HPSE2: variants seen among roughly 807,000 people sequenced by gnomAD.
HPSE2 encodes the protein inactive heparanase-2.
In HPSE2, 38 loss-of-function variants were observed where a neutral mutation model predicts 60.5. The observed-to-expected ratio is 0.63, with a 90% CI of 0.48 to 0.82. The LOEUF (loss-of-function observed/expected upper bound fraction) is 0.82. Among genes scored for constraint, HPSE2 ranks in the 40% least tolerant of loss-of-function variants. The pLI is 0.00. For synonymous variants in HPSE2, 295 were observed against 293.2 expected, an observed-to-expected ratio of 1.01 and a Z score of -0.06; for missense variants, 713 against 740.4, an observed-to-expected ratio of 0.96 and a Z score of 0.43.
At chr10:98,532,951 C>T (rs1943176032) in intron 9 of HPSE2, among the ~76,000 whole-genome samples, 1 of 152,164 alleles carries the variant, frequency 6.6e-6, no homozygotes, top group African/African-American at 2.4e-5. Context: ...GAGCCTATTT[C>T]CATTTTAACA....
intron 3 of HPSE2, among the ~76,000 whole-genome samples, chr10:98,771,354 C>A (rs1950236815): frequency 6.6e-6 from 1 of 152,088 alleles, no homozygotes; most frequent in Admixed American, 6.6e-5. Flanking sequence ...GATTTCAGCT[C>A]CAAATATTGG....
At chr10:99,068,171 C>T (rs1186912071) in intron 3 of HPSE2, among the ~76,000 whole-genome samples, 1 of 152,108 alleles carries the variant, frequency 6.6e-6, no homozygotes, top group Admixed American at 6.5e-5. Context: ...CAAACTTGCC[C>T]GCATCTTCCT....
chr10:98,671,078 A>G (rs1947495098), intron 6 of HPSE2, among the ~76,000 whole-genome samples: 1 of 152,238 alleles, frequency 6.6e-6, no homozygotes, highest in Non-Finnish European at 1.5e-5. Context: ...TTTTTGAATT[A>G]GGGATACTCA....
chr10:98,888,936 A>T (rs1384224435), intron 3 of HPSE2, among the ~76,000 whole-genome samples: 1 of 152,096 alleles, frequency 6.6e-6, no homozygotes, highest in Non-Finnish European at 1.5e-5. Context: ...CATCCCTATA[A>T]TTCTGGCATT....
intron 3 of HPSE2, among the ~76,000 whole-genome samples, chr10:99,109,565 T>C (rs1844379484): frequency 6.6e-6 from 1 of 152,044 alleles, no homozygotes; most frequent in African/African-American, 2.4e-5. Context: ...TCTTGTGCTA[T>C]ATGGGGTTGT....
chr10:99,039,930 T>C (rs921366296), intron 3 of HPSE2, among the ~76,000 whole-genome samples: 3 of 152,212 alleles, frequency 2.0e-5, no homozygotes, highest in Admixed American at 2.0e-4. Flanking sequence ...CCCTTAATTA[T>C]TCTTTGAAAG....
chr10:98,780,487 ATCAATAAAACATCTTTTAAGGACAAT>A (rs2134450345), intron 3 of HPSE2, among the ~76,000 whole-genome samples: 1 of 152,306 alleles, frequency 6.6e-6, no homozygotes, highest in African/African-American at 2.4e-5. Flanking sequence ...AGTTTGTTAT[ATCAATAAAACATCTTTTAAGGACAAT>A]TAAAAATCAA....
chr10:99,302,754 T>C, the HPSE2 span, among the ~76,000 whole-genome samples: 1 of 151,834 alleles, frequency 6.6e-6, no homozygotes, highest in African/African-American at 2.4e-5. Context: ...AAAGAAACTA[T>C]TCCAGACTGT....
chr10:99,062,762 A>G (rs753091356), intron 3 of HPSE2, among the ~76,000 whole-genome samples: 6 of 152,188 alleles, frequency 3.9e-5, no homozygotes, highest in Non-Finnish European at 8.8e-5. Flanking sequence ...GGCAGAGGAG[A>G]GGTGAGGAAG....
At chr10:98,750,211 C>T (rs1198497479) in intron 3 of HPSE2, among the ~76,000 whole-genome samples, 1 of 151,942 alleles carries the variant, frequency 6.6e-6, no homozygotes, top group Non-Finnish European at 1.5e-5. Context: ...ACAGTAAGGG[C>T]AAAGGCCCAA....
At chr10:99,010,147 T>C (rs1431293083) in intron 3 of HPSE2, among the ~76,000 whole-genome samples, 2 of 152,256 alleles carry the variant, frequency 1.3e-5, no homozygotes, top group Non-Finnish European at 2.9e-5. Flanking sequence ...TGATTTACTG[T>C]GCTTAAAGAG....
intron 3 of HPSE2, among the ~76,000 whole-genome samples, chr10:98,970,576 G>A (rs1265900784): frequency 6.6e-6 from 1 of 152,124 alleles, no homozygotes; most frequent in African/African-American, 2.4e-5. Flanking sequence ...CTCAAAGTGG[G>A]CTAATATTTA....
chr10:98,575,972 GC>G (rs1944628938), intron 9 of HPSE2, among the ~76,000 whole-genome samples: 1 of 152,068 alleles, frequency 6.6e-6, no homozygotes, highest in South Asian at 2.1e-4. Flanking sequence ...ATTTTCATAA[GC>G]TGATACTTAT....
At chr10:98,942,602 G>T (rs1196830558) in intron 3 of HPSE2, among the ~76,000 whole-genome samples, 1 of 152,142 alleles carries the variant, frequency 6.6e-6, no homozygotes, top group Non-Finnish European at 1.5e-5. Context: ...AGAGGATGCA[G>T]AGAAATAGGA....
At chr10:99,014,810 A>T (rs1292516105) in intron 3 of HPSE2, among the ~76,000 whole-genome samples, 1 of 152,170 alleles carries the variant, frequency 6.6e-6, no homozygotes, top group Non-Finnish European at 1.5e-5. Context: ...CAAAAGACAA[A>T]ATTGACAAAT....
chr10:98,813,760 T>C (rs1951220959), intron 3 of HPSE2, among the ~76,000 whole-genome samples: 1 of 152,196 alleles, frequency 6.6e-6, no homozygotes, highest in African/African-American at 2.4e-5. Context: ...CAAATGGTTA[T>C]GTTCATCATA....
At chr10:98,515,600 C>A (rs1591299753) in intron 9 of HPSE2, among the ~76,000 whole-genome samples, 1 of 152,022 alleles carries the variant, frequency 6.6e-6, no homozygotes, top group African/African-American at 2.4e-5. Flanking sequence ...TGCAGTTAAA[C>A]CTGAAGGATA....
chr10:98,523,110 T>A (rs1942852349), intron 9 of HPSE2, among the ~76,000 whole-genome samples: 1 of 71,492 alleles, frequency 1.4e-5, no homozygotes, highest in Admixed American at 1.4e-4. Flanking sequence ...TTTGTTTTGT[T>A]TTGTTTGTTT....
intron 7 of HPSE2, among the ~76,000 whole-genome samples, chr10:98,638,295 A>C (rs1309530413): frequency 1.3e-5 from 2 of 151,750 alleles, no homozygotes; most frequent in Non-Finnish European, 2.9e-5. Flanking sequence ...AATACAAAAA[A>C]TCAGCCGGGA....
Sources: gnomAD v4.1 joint callset for allele counts (sites outside exome capture counted in the v4.1 genomes callset) on GRCh38, gnomAD v4.1.1 for gene constraint, MANE v1.5 for transcripts, NCBI Gene and HGNC (gene_info 2026-07-23, HGNC 2026-07-21) for gene names.